Variants in PRKAR1B observed in about 807,000 individuals in gnomAD.
PRKAR1B encodes protein kinase cAMP-dependent type I regulatory subunit beta, also known as cAMP-dependent protein kinase type I-beta regulatory subunit.
A neutral mutation model predicts 46.5 loss-of-function variants in PRKAR1B; 22 were observed. The observed-to-expected ratio is 0.47, with a 90% CI of 0.34 to 0.68. PRKAR1B has a LOEUF of 0.68. Ranked by LOEUF, PRKAR1B falls within the 30% of genes least tolerant of loss-of-function variation. PRKAR1B has a pLI of 0.01. For synonymous variants in PRKAR1B, 259 were observed against 217.7 expected (o/e 1.19, Z -1.67); for missense variants, 445 against 535.6 (o/e 0.83, Z 1.67).
At chr7:686,542 T>C (rs1289692691) in intron 2 of PRKAR1B, among the ~76,000 whole-genome samples, 21 of 152,146 alleles carry the variant, frequency 1.4e-4, no homozygotes, top group Admixed American at 7.2e-4. Flanking sequence ...CCAGCATTCA[T>C]CTCTCATCTA....
intron 2 of PRKAR1B, among the ~76,000 whole-genome samples, chr7:684,410 A>G (rs1011254118): frequency 5.3e-5 from 8 of 152,262 alleles, no homozygotes; most frequent in Non-Finnish European, 8.8e-5. Context: ...CTCGAATGAC[A>G]GCAAAATAAA....
intron 4 of PRKAR1B, among the ~76,000 whole-genome samples, chr7:614,867 G>T (rs1411315027): frequency 6.6e-6 from 1 of 151,712 alleles, no homozygotes; most frequent in Non-Finnish European, 1.5e-5. Context: ...AGCTGAGATC[G>T]CACCACTGCA....
intron 4 of PRKAR1B, among the ~76,000 whole-genome samples, chr7:638,605 T>C (rs752166928): frequency 3.3e-5 from 5 of 152,128 alleles, no homozygotes; most frequent in Non-Finnish European, 5.9e-5. Flanking sequence ...CGTAATGACA[T>C]TGAAAGGAAT....
intron 3 of PRKAR1B, among the ~76,000 whole-genome samples, chr7:678,415 CT>C: frequency 6.6e-6 from 1 of 152,352 alleles, no homozygotes; most frequent in East Asian, 1.9e-4. Context: ...TACACTGTTA[CT>C]GGCTGCAGTC....
intron 4 of PRKAR1B, among the ~76,000 whole-genome samples, chr7:661,510 T>C (rs112600632): frequency 1.2e-5 from 1 of 80,440 alleles, no homozygotes; most frequent in Admixed American, 1.5e-4. Context: ...TTCCCCTCCA[T>C]GGCACAGGTC....
chr7:562,837 C>A (rs1185769758), intron 9 of PRKAR1B, among the ~76,000 whole-genome samples: 1 of 152,220 alleles, frequency 6.6e-6, no homozygotes, highest in African/African-American at 2.4e-5. Flanking sequence ...CCATGCTGAC[C>A]CCCGGCCAGG....
chr7:690,972 C>T (rs530825998), intron 2 of PRKAR1B, among the ~76,000 whole-genome samples: 28 of 152,326 alleles, frequency 1.8e-4, no homozygotes, highest in African/African-American at 6.7e-4. Flanking sequence ...AGCGGCCCAT[C>T]GGCTCTGCTG....
At chr7:662,727 C>T (rs1332832713) in intron 4 of PRKAR1B, among the ~76,000 whole-genome samples, 1 of 152,200 alleles carries the variant, frequency 6.6e-6, no homozygotes, top group Non-Finnish European at 1.5e-5. Context: ...CAAATACCTA[C>T]TCTCCCCATG....
intron 2 of PRKAR1B, among the ~76,000 whole-genome samples, chr7:690,528 A>G (rs1280842693): frequency 6.6e-6 from 1 of 152,224 alleles, no homozygotes; most frequent in Admixed American, 6.5e-5. Context: ...GTGCTGAGCT[A>G]TTGGGATCAG....
intron 4 of PRKAR1B, among the ~76,000 whole-genome samples, chr7:673,834 T>C (rs1786425354): frequency 1.3e-5 from 2 of 152,098 alleles, no homozygotes; most frequent in Non-Finnish European, 2.9e-5. Flanking sequence ...AGATCCAGGA[T>C]CAGCAGGTGG....
intron 4 of PRKAR1B, among the ~76,000 whole-genome samples, chr7:636,398 ACGTCCTCCACCG>A (rs1784094806): frequency 4.6e-5 from 3 of 65,528 alleles, no homozygotes. Flanking sequence ...CCGCGCCCTC[ACGTCCTCCACCG>A]GCCGCGCCCA....
Position 577,115 on chromosome 7 carries a change from GCCATCAGCGGCCCCGTCCAACT to G in PRKAR1B, c.891+2119_891+2140del, listed in dbSNP as rs1282425046. Among the ~76,000 whole-genome samples, 69 of 151,468 alleles carry G rather than the reference GCCATCAGCGGCCCCGTCCAACT, an allele frequency of 4.6e-4. 1 individual carries two copies. The South Asian group carries it at 0.012, about 27-fold the overall frequency. ...AACTCCATCAACGGCCTCGTCCAAC[GCCATCAGCGGCCCCGTCCAACT>G]CCATCAGCGGCCCCAGCCGCATTGC... On this transcript the variant is annotated intron_variant, in intron 9 of 10. Coordinates refer to ENST00000537384, the MANE Select transcript of PRKAR1B (RefSeq NM_001164760.2).
chr7:619,708 T>C (rs978251964), intron 4 of PRKAR1B, among the ~76,000 whole-genome samples: 1 of 152,266 alleles, frequency 6.6e-6, no homozygotes, highest in Non-Finnish European at 1.5e-5. Flanking sequence ...CCTGGCTCCA[T>C]TTATGATCAA....
chr7:662,590 C>CA (rs1785666276), intron 4 of PRKAR1B, among the ~76,000 whole-genome samples: 1 of 147,746 alleles, frequency 6.8e-6, no homozygotes, highest in African/African-American at 2.5e-5. Context: ...CTCTCCCCCC[C>CA]ATAGCACAAG....
chr7:613,973 G>T (rs1011774855), intron 4 of PRKAR1B, among the ~76,000 whole-genome samples: 4 of 152,254 alleles, frequency 2.6e-5, no homozygotes, highest in Non-Finnish European at 5.9e-5. Context: ...CACCAAGCGG[G>T]TGGGAGACAC....
chr7:604,216 C>T (rs1020983997), intron 6 of PRKAR1B, among the ~76,000 whole-genome samples: 2 of 152,206 alleles, frequency 1.3e-5, no homozygotes, highest in Admixed American at 6.5e-5. Context: ...GGATGCTGGC[C>T]GCATCCTCCT....
chr7:708,443 T>C (rs1478676709), intron 2 of PRKAR1B, among the ~76,000 whole-genome samples: 1 of 152,156 alleles, frequency 6.6e-6, no homozygotes, highest in Non-Finnish European at 1.5e-5. Context: ...TAAAATGGTG[T>C]CATATTTGCA....
At chr7:678,961 A>G (rs1442733414) in intron 3 of PRKAR1B, among the ~76,000 whole-genome samples, 1 of 152,188 alleles carries the variant, frequency 6.6e-6, no homozygotes, top group Non-Finnish European at 1.5e-5. Context: ...GATGACAGGC[A>G]CCTGTAATCC....
rs376926619 is a variant in PRKAR1B, at chr7:719,735, T to C, written c.-23+7475A>G. 3.3e-5 allele frequency among the ~76,000 whole-genome samples: 5 copies of C among 152,258 alleles called. No homozygotes were observed. The East Asian group carries it at 9.7e-4, about 29-fold the overall frequency. ...GCAGTTGCCACCACAATCCAGGTAC[T>C]ATACTGTACCAGCTCCACAAGGCTC... is the stretch of plus-strand genomic sequence containing the variant. On this transcript the variant is annotated intron_variant, in intron 1 of 10. Coordinates refer to ENST00000537384, the MANE Select transcript of PRKAR1B (RefSeq NM_001164760.2).
Sources: allele counts gnomAD v4.1 joint callset (sites outside exome capture counted in the v4.1 genomes callset), GRCh38; gene constraint gnomAD v4.1.1; transcripts MANE v1.5; gene names NCBI Gene and HGNC (gene_info 2026-07-23, HGNC 2026-07-21).